ESRRG: variants seen among roughly 807,000 people sequenced by gnomAD.
ESRRG encodes the protein estrogen related receptor gamma.
Under a neutral mutation model 44.0 loss-of-function variants are expected in ESRRG, and 13 were observed. The ratio of observed to expected loss-of-function variants is 0.30; its 90% CI spans 0.19 to 0.47. The LOEUF is 0.47. Ranked by LOEUF, ESRRG falls within the 20% of genes least tolerant of loss-of-function variation. The pLI, the probability that ESRRG is intolerant of heterozygous loss-of-function variation, is 1.00. For missense variants in ESRRG, 395 were observed against 580.6 expected, an observed-to-expected ratio of 0.68 and a Z score of 3.29; for synonymous variants, 215 against 214.6, an observed-to-expected ratio of 1.00 and a Z score of -0.02.
At chr1:216,868,663 G>C (rs2096211883) in intron 2 of ESRRG, among the ~76,000 whole-genome samples, 1 of 151,894 alleles carries the variant, frequency 6.6e-6, no homozygotes, top group Non-Finnish European at 1.5e-5. Flanking sequence ...CAGAGTGGCT[G>C]TTTCATTTTG....
At chr1:216,878,895 A>T (rs2096398631) in intron 2 of ESRRG, among the ~76,000 whole-genome samples, 1 of 152,200 alleles carries the variant, frequency 6.6e-6, no homozygotes, top group Non-Finnish European at 1.5e-5. Context: ...AGATTTACGC[A>T]TCGTATTTAT....
chr1:216,506,880 T>C lies in ESRRG; in HGVS notation c.*59A>G. On this transcript the variant is annotated 3_prime_UTR_variant, in exon 7 of 7. Transcript: ENST00000408911. ...AAACTCTAAGTTTCTTCGACATCAC[T>C]CTTGGGTTTATTTTCCCTTTTTCAA... 4 of 1,568,146 alleles carry C rather than the reference T, an allele frequency of 2.6e-6. No homozygotes were observed. The highest frequency in any genetic ancestry group is 3.5e-6 in the Non-Finnish European group (4 of 1,158,844).
chr1:216,913,526 C>A (rs1422716846), intron 2 of ESRRG, among the ~76,000 whole-genome samples: 3 of 152,258 alleles, frequency 2.0e-5, no homozygotes, highest in South Asian at 2.1e-4. Flanking sequence ...AATAATGTAT[C>A]ATTATTGCTT....
chr1:216,864,188 G>C (rs2096104485), intron 2 of ESRRG: 1 of 152,082 alleles, frequency 6.6e-6, no homozygotes, highest in South Asian at 2.1e-4. Context: ...AATTTCAAGT[G>C]GCACCAATCT....
At chr1:217,095,310 C>G (rs1379264098) in intron 1 of ESRRG, among the ~76,000 whole-genome samples, 2 of 152,186 alleles carry the variant, frequency 1.3e-5, no homozygotes, top group African/African-American at 2.4e-5. Flanking sequence ...AGGTATTTTA[C>G]TTAACTGACA....
chr1:216,507,936 A>G (rs1283127020), intron 6 of ESRRG, among the ~76,000 whole-genome samples: 2 of 152,228 alleles, frequency 1.3e-5, no homozygotes, highest in Non-Finnish European at 2.9e-5. Context: ...TATTCTTGTG[A>G]GAAATGTGAG....
At chr1:217,058,403 T>C (rs974950727) in intron 1 of ESRRG, among the ~76,000 whole-genome samples, 2 of 152,058 alleles carry the variant, frequency 1.3e-5, no homozygotes, top group African/African-American at 2.4e-5. Flanking sequence ...CCTTTCTGAG[T>C]AGCATATTTG....
intron 2 of ESRRG, among the ~76,000 whole-genome samples, chr1:216,756,267 G>GT (rs2092440265): frequency 2.0e-5 from 3 of 151,884 alleles, no homozygotes; most frequent in South Asian, 2.1e-4. Context: ...AAATATTAGG[G>GT]TTTTTTCTCT....
chr1:216,882,001 C>T (rs1162173872), intron 2 of ESRRG, among the ~76,000 whole-genome samples: 1 of 150,574 alleles, frequency 6.6e-6, no homozygotes, highest in African/African-American at 2.5e-5. Context: ...AGAAAATAGG[C>T]TTGGACTTGA....
At chr1:216,655,678 C>T (rs574521260) in intron 2 of ESRRG, among the ~76,000 whole-genome samples, 108 of 152,276 alleles carry the variant, frequency 7.1e-4, no homozygotes, top group African/African-American at 2.4e-3. Flanking sequence ...TTGACACATA[C>T]GGATAATAAC....
intron 5 of ESRRG, among the ~76,000 whole-genome samples, chr1:216,523,376 G>C (rs971766319): frequency 1.3e-5 from 2 of 152,166 alleles, no homozygotes; most frequent in African/African-American, 4.8e-5. Context: ...TCAAGAGGCA[G>C]GTACCCCTGA....
At chr1:217,134,433 C>T (rs1390219540) in intron 1 of ESRRG, among the ~76,000 whole-genome samples, 1 of 152,178 alleles carries the variant, frequency 6.6e-6, no homozygotes, top group South Asian at 2.1e-4. Flanking sequence ...CAGGGCCCTG[C>T]GCGCCAGAGA....
rs182663549 is a variant in ESRRG, at chr1:216,749,936, T to G, written c.-13-72445A>C. Among the ~76,000 whole-genome samples the G allele has an allele frequency of 1.7e-4, 26 of 152,342 alleles. No individual in the cohort carries two copies. The East Asian group carries it at 4.8e-3, about 28-fold the overall frequency. Reference sequence around the variant, plus strand: ...CTAAATGTAAATTGCACCTTTTTTCTGAGGAATATGTCTTATGTTAATAAA... The same window carrying G: ...CTAAATGTAAATTGCACCTTTTTTCGGAGGAATATGTCTTATGTTAATAAA... On this transcript the variant is annotated intron_variant, in intron 2 of 7. Coordinates refer to the ESRRG transcript ENST00000359162.
intron 1 of ESRRG, among the ~76,000 whole-genome samples, chr1:216,956,367 A>C (rs2818795): frequency 0.66 from 99,646 of 151,890 alleles, 35,773 homozygotes; most frequent in Non-Finnish European, 0.82. Context: ...TTCTCTAACA[A>C]CACCTCAATG....
At position 216,952,096 on chromosome 1, in the gene ESRRG, C is replaced by T. The variant is rs79537636; in HGVS notation, c.-105-12423G>A. ...CATCTGATCAATCAACTTGTGTAAA[C>T]GATCTCTGCCCCACACCTTGCCAAC... On this transcript the variant is annotated intron_variant, in intron 1 of 7. Coordinates refer to the ESRRG transcript ENST00000359162. Among the ~76,000 whole-genome samples, 779 of 152,142 alleles carry T rather than the reference C, an allele frequency of 5.1e-3. 5 individuals are homozygous for T. Among genetic ancestry groups the T allele is most frequent in the African/African-American group, 0.018 (749 of 41,506 alleles).
chr1:217,122,613 T>C (rs1201327227), intron 1 of ESRRG, among the ~76,000 whole-genome samples: 1 of 151,752 alleles, frequency 6.6e-6, no homozygotes, highest in African/African-American at 2.4e-5. Flanking sequence ...TTAAATTCCT[T>C]CATTTACAAC....
chr1:216,966,866 CA>C (rs927398413), intron 1 of ESRRG, among the ~76,000 whole-genome samples: 11 of 152,082 alleles, frequency 7.2e-5, no homozygotes, highest in African/African-American at 2.4e-4. Flanking sequence ...TTTTAAGAAA[CA>C]AAAACTTATA....
At chr1:216,972,202 A>G (rs1252508224) in intron 1 of ESRRG, among the ~76,000 whole-genome samples, 2 of 152,168 alleles carry the variant, frequency 1.3e-5, no homozygotes, top group African/African-American at 2.4e-5. Flanking sequence ...GTTTTTGTCC[A>G]CATTCATAAA....
intron 3 of ESRRG, among the ~76,000 whole-genome samples, chr1:216,581,994 G>A (rs1334693869): frequency 6.6e-6 from 1 of 152,124 alleles, no homozygotes; most frequent in African/African-American, 2.4e-5. Context: ...CAATTGGCTG[G>A]TTACATTATA....
Sources: gnomAD v4.1 joint callset for allele counts (sites outside exome capture counted in the v4.1 genomes callset) on GRCh38, gnomAD v4.1.1 for gene constraint, MANE v1.5 for transcripts, NCBI Gene and HGNC (gene_info 2026-07-23, HGNC 2026-07-21) for gene names.